Variants in MMP16 observed in about 807,000 individuals in gnomAD.
The protein encoded by MMP16 is matrix metallopeptidase 16, also known as matrix metalloproteinase-16.
Under a neutral mutation model 67.8 loss-of-function variants are expected in MMP16, and 12 were observed. The ratio of observed to expected loss-of-function variants is 0.18; its 90% CI spans 0.11 to 0.29. The LOEUF (loss-of-function observed/expected upper bound fraction) is 0.29, where lower values mean the gene tolerates loss of function less well. Among genes scored for constraint, MMP16 ranks in the 10% least tolerant of loss-of-function variants. The pLI is 1.00. For synonymous variants in MMP16, 249 were observed against 255.9 expected (o/e 0.97, Z 0.26); for missense variants, 475 against 765.7 (o/e 0.62, Z 4.48).
At chr8:88,164,572 T>C (rs1808681494) in intron 4 of MMP16, among the ~76,000 whole-genome samples, 1 of 152,074 alleles carries the variant, frequency 6.6e-6, no homozygotes, top group African/African-American at 2.4e-5. Flanking sequence ...ATTACATCTC[T>C]AACAGTCAAT....
chr8:88,274,988 A>T lies in MMP16; in HGVS notation c.132+52087T>A, dbSNP rs184918663. ...ACTCACATTCATGCATCATTACCCA[A>T]TTCTCTCACCTATCCTTACAAAAGA... On this transcript the variant is annotated intron_variant, in intron 1 of 9. Transcript: ENST00000286614. 8.5e-3 allele frequency among the ~76,000 whole-genome samples: 1,296 copies of T among 152,080 alleles called. 11 individuals carry two copies. Among genetic ancestry groups the T allele is most frequent in the Non-Finnish European group, 0.014 (925 of 67,850 alleles).
chr8:88,080,148 C>T (rs1036916094), intron 6 of MMP16, among the ~76,000 whole-genome samples: 2 of 152,182 alleles, frequency 1.3e-5, no homozygotes, highest in African/African-American at 2.4e-5. Context: ...TTTTCCTTAT[C>T]GCTGGATTAC....
At chr8:88,154,908 ATATC>A (rs1586178965) in intron 4 of MMP16, among the ~76,000 whole-genome samples, 1 of 151,840 alleles carries the variant, frequency 6.6e-6, no homozygotes, top group African/African-American at 2.4e-5. Context: ...CGTGTATTAT[ATATC>A]TATTCTAGGT....
At chr8:88,229,992 TC>T (rs764519634) in intron 1 of MMP16, among the ~76,000 whole-genome samples, 1 of 152,050 alleles carries the variant, frequency 6.6e-6, no homozygotes, top group Non-Finnish European at 1.5e-5. Flanking sequence ...AAAATACAAA[TC>T]CCCTTCTCAT....
chr8:88,210,798 T>C (rs1239215786), intron 1 of MMP16, among the ~76,000 whole-genome samples: 2 of 152,180 alleles, frequency 1.3e-5, no homozygotes, highest in African/African-American at 2.4e-5. Flanking sequence ...TAAAAATCAA[T>C]GTGGAATTGT....
intron 6 of MMP16, among the ~76,000 whole-genome samples, chr8:88,075,346 G>A (rs1808629782): frequency 6.6e-6 from 1 of 152,082 alleles, no homozygotes; most frequent in South Asian, 2.1e-4. Context: ...TTTCCTATCT[G>A]CTCTAGTAAT....
intron 1 of MMP16, among the ~76,000 whole-genome samples, chr8:88,276,154 G>A (rs921876242): frequency 1.1e-4 from 16 of 151,972 alleles, no homozygotes; most frequent in African/African-American, 3.9e-4. Flanking sequence ...TGCAGAATTG[G>A]ACAGAGAAAA....
At chr8:88,185,720 C>G (rs1809062382) in intron 3 of MMP16, among the ~76,000 whole-genome samples, 1 of 152,086 alleles carries the variant, frequency 6.6e-6, no homozygotes, top group Non-Finnish European at 1.5e-5. Context: ...AGTTGAAAAG[C>G]TATTTTAGGG....
intron 4 of MMP16, among the ~76,000 whole-genome samples, chr8:88,135,208 T>C (rs992761225): frequency 1.7e-4 from 26 of 151,746 alleles, no homozygotes; most frequent in African/African-American, 6.0e-4. Flanking sequence ...ATTAAGTACA[T>C]TGACCTGACT....
chr8:88,143,578 C>T (rs1258653235), intron 4 of MMP16, among the ~76,000 whole-genome samples: 2 of 151,808 alleles, frequency 1.3e-5, no homozygotes, highest in African/African-American at 2.4e-5. Context: ...GTCAAGGAAA[C>T]GTGCTATATA....
chr8:88,201,807 C>G (rs777371597), intron 1 of MMP16, among the ~76,000 whole-genome samples: 9 of 152,108 alleles, frequency 5.9e-5, no homozygotes, highest in Non-Finnish European at 1.2e-4. Flanking sequence ...GATGGCCCCT[C>G]TATTTTGTGG....
At chr8:88,107,152 A>C (rs1809256310) in intron 6 of MMP16, among the ~76,000 whole-genome samples, 1 of 151,136 alleles carries the variant, frequency 6.6e-6, no homozygotes, top group African/African-American at 2.4e-5. Flanking sequence ...AATGTCATCC[A>C]ATTTTAAATA....
At chr8:88,168,270 G>T (rs1808746301) in intron 3 of MMP16, among the ~76,000 whole-genome samples, 1 of 152,104 alleles carries the variant, frequency 6.6e-6, no homozygotes, top group Admixed American at 6.6e-5. Flanking sequence ...GAGAAAGGCA[G>T]ATTTGCCACA....
intron 4 of MMP16, among the ~76,000 whole-genome samples, chr8:88,134,032 CA>C (rs1312861750): frequency 6.6e-6 from 1 of 151,556 alleles, no homozygotes; most frequent in African/African-American, 2.4e-5. Context: ...TTAGAGCCTC[CA>C]AAAGCAGACA....
chr8:88,159,147 G>C (rs934262144), intron 4 of MMP16, among the ~76,000 whole-genome samples: 1 of 152,100 alleles, frequency 6.6e-6, no homozygotes, highest in African/African-American at 2.4e-5. Flanking sequence ...TTGGCAATGT[G>C]GGCTCTCTTT....
At chr8:88,104,062 T>A (rs2118388141) in intron 6 of MMP16, among the ~76,000 whole-genome samples, 1 of 151,904 alleles carries the variant, frequency 6.6e-6, no homozygotes, top group South Asian at 2.1e-4. Context: ...ATTTTAAAAA[T>A]TAGTATGGCT....
intron 1 of MMP16, among the ~76,000 whole-genome samples, chr8:88,298,002 G>A (rs988774201): frequency 1.3e-5 from 2 of 152,096 alleles, no homozygotes; most frequent in African/African-American, 4.8e-5. Context: ...AATAAACTCA[G>A]TAAGCTCAGT....
chr8:88,148,606 C>T (rs1374337617), intron 4 of MMP16, among the ~76,000 whole-genome samples: 1 of 152,136 alleles, frequency 6.6e-6, no homozygotes, highest in Non-Finnish European at 1.5e-5. Flanking sequence ...CTGCATTTCA[C>T]ACACGCTCAC....
At chr8:88,158,285 C>A (rs1342064222) in intron 4 of MMP16, among the ~76,000 whole-genome samples, 1 of 152,152 alleles carries the variant, frequency 6.6e-6, no homozygotes, top group Non-Finnish European at 1.5e-5. Flanking sequence ...TACACTCCCA[C>A]CAACAGTGTA....
Sources: allele counts gnomAD v4.1 joint callset (sites outside exome capture counted in the v4.1 genomes callset), GRCh38; gene constraint gnomAD v4.1.1; transcripts MANE v1.5; gene names NCBI Gene and HGNC (gene_info 2026-07-23, HGNC 2026-07-21).